Variants in DACT2 observed in about 807,000 individuals in gnomAD.
The protein encoded by DACT2 is dapper homolog 2.
DACT2 carries 20 observed loss-of-function variants against 22.2 expected under a neutral mutation model. The observed-to-expected ratio is 0.90, with a 90% CI of 0.63 to 1.31. The LOEUF (loss-of-function observed/expected upper bound fraction) is 1.31. Ranked by LOEUF, DACT2 falls within the 50% of genes most tolerant of loss-of-function variation. The pLI is 0.00. For synonymous variants in DACT2, 463 were observed against 479.8 expected (o/e 0.96, Z 0.46); for missense variants, 1,048 against 1,061.4 (o/e 0.99, Z 0.18).
At chr6:168,313,748 A>T (rs953329374) in intron 1 of DACT2, among the ~76,000 whole-genome samples, 2 of 152,140 alleles carry the variant, frequency 1.3e-5, no homozygotes, top group Non-Finnish European at 2.9e-5. Context: ...CTTCTTCTGA[A>T]GGAGGGAAGC....
At position 168,308,913 on chromosome 6, in the gene DACT2, C is replaced by T. The variant is rs778812998; in HGVS notation, c.844G>A (p.Val282Met). Residue 282 changes from valine to methionine, a missense_variant, in exon 4 of 4, where the codon GTG (valine) becomes ATG (methionine). Coordinates refer to ENST00000366795, the MANE Select transcript of DACT2 (RefSeq NM_214462.5). The stretch of plus-strand genomic sequence containing the variant: ...ACAAACAGGGGGCTCTGTAGAGCCA[C>T]GGCGTGCAGGGGGCTGGGGTACGGG... ...VYPYPSPLHA[V>M]ALQSPLFVLT... 1.7e-5 allele frequency: 26 copies of T among 1,550,558 alleles called. No homozygotes were observed. Among genetic ancestry groups the T allele is most frequent in the East Asian group, 7.3e-5 (3 of 40,914 alleles).
At chr6:168,293,067 A>G (rs1172600526) in exon 6 of DACT2, 1 of 152,202 alleles carries the variant, frequency 6.6e-6, no homozygotes, top group African/African-American at 2.4e-5. Flanking sequence ...CTTTGTAAAA[A>G]AAATTCGTCT....
Position 168,310,309 on chromosome 6 carries a change from C to G in DACT2, c.517G>C (p.Asp173His), listed in dbSNP as rs1258704503. 1 of 1,551,526 alleles carries G rather than the reference C, an allele frequency of 6.4e-7. No homozygotes were observed. Among genetic ancestry groups the G allele is most frequent in the African/African-American group, 1.4e-5 (1 of 73,072 alleles). Residue 173 changes from aspartate (D) to histidine (H), a missense_variant, in exon 3 of 4, where the codon GAC (aspartate) becomes CAC (histidine). Physicochemically the swap from Asp to His is moderately conservative, Grantham distance 81. Transcript: ENST00000366795. ...TCATCAACCGACCGGGGCCTCCAGT[C>G]CCCCATGCTGGGCCTGGCCTTGTGG... ...QAHKARPSMG[D>H]WRPRSVDETT...
At chr6:168,303,829 G>T (rs774696627), downstream of DACT2, among the ~76,000 whole-genome samples, 12 of 151,902 alleles carry the variant, frequency 7.9e-5, no homozygotes, top group Admixed American at 3.9e-4. Flanking sequence ...AAGTAGGTTG[G>T]GACATTTTCC....
At position 168,307,233 on chromosome 6, in the gene DACT2, G is replaced by A. The variant is rs542687859; in HGVS notation, c.*199C>T. The A allele has an allele frequency of 5.9e-5, 84 of 1,414,790 alleles. No individual in the cohort carries two copies. In the South Asian group the frequency reaches 1.1e-3, roughly 19 times the overall value. 87.6% of individuals were successfully genotyped at this position (1,414,790 alleles called of 1,614,324 possible). A position where few individuals can be genotyped will look rare whatever the true frequency, so the allele number is the denominator to read the frequency against. On this transcript the variant is annotated 3_prime_UTR_variant, in exon 4 of 4. Coordinates refer to ENST00000366795, the MANE Select transcript of DACT2 (RefSeq NM_214462.5). This position sits in a 1 kb window ranked among gnomAD's most constrained non-coding sequence, Gnocchi z 5.3. ...TGCTGGCATCTGAAACCAGAGCTCC[G>A]CATGGAAGTCTTTGCTGGGGCGGGG...
intron 1 of DACT2, among the ~76,000 whole-genome samples, chr6:168,318,681 G>A (rs888130364): frequency 2.6e-5 from 4 of 152,160 alleles, no homozygotes; most frequent in African/African-American, 9.7e-5. Context: ...AATGAGTGGA[G>A]TTCCTTTCAT....
At chr6:168,294,547 ATGTGTGTGTGTGTATGTG>A (rs1301152068) in intron 4 of DACT2, 9 of 752,446 alleles carry the variant, frequency 1.2e-5, no homozygotes, top group East Asian at 9.6e-5. Context: ...ATAATAAAAT[ATGTGTGTGTGTGTATGTG>A]TGTGTGTGTG....
rs1336677435 is a variant in DACT2, at chr6:168,308,629, T to C, written c.1128A>G (p.Gly376=). The C allele has an allele frequency of 4.5e-6, 7 of 1,544,088 alleles. 1 individual carries two copies. Among genetic ancestry groups the C allele is most frequent in the African/African-American group, 4.1e-5 (3 of 73,012 alleles). The change falls in exon 4 of 4, where the codon GGA becomes GGG. Residue 376 remains glycine (G), a synonymous_variant. Coordinates refer to ENST00000366795, the MANE Select transcript of DACT2 (RefSeq NM_214462.5). ...CTGGGGCGAAGACCAGCAGTCGCCCTCCACCGTCTGTACTCCAGCCACCCT... is the reference window on the plus strand; with the variant it reads ...CTGGGGCGAAGACCAGCAGTCGCCCCCCACCGTCTGTACTCCAGCCACCCT... The part of the protein sequence containing the change: ...QRQGGWSTDG[G]GRLLVFAPGR...
downstream of DACT2, chr6:168,306,828 C>T (rs565628981): frequency 2.8e-5 from 27 of 950,160 alleles, no homozygotes; most frequent in Admixed American, 6.1e-5. Context: ...AAAGCTGGCA[C>T]GTGCCCTGTG....
chr6:168,311,319 A>G (rs1160201136), intron 1 of DACT2, 35 bp from the exon 2 acceptor site: 1 of 1,514,062 alleles, frequency 6.6e-7, no homozygotes, highest in Non-Finnish European at 8.9e-7. Context: ...GAACTGTTGT[A>G]CCTATGGAAA....
At chr6:168,313,077 C>A (rs1007120526) in intron 1 of DACT2, among the ~76,000 whole-genome samples, 7 of 152,262 alleles carry the variant, frequency 4.6e-5, no homozygotes, top group Middle Eastern at 3.4e-3. Context: ...GACGGAGTCT[C>A]GCTCTGTCCT....
chr6:168,294,055 T>C, intron 5 of DACT2: 1 of 702,856 alleles, frequency 1.4e-6, no homozygotes, highest in Non-Finnish European at 2.6e-6. Flanking sequence ...GCACCCACGA[T>C]GCCCATGAGC....
rs1201075970 is a variant in DACT2, at chr6:168,310,447, C to A, written c.380-1G>T. On this transcript the variant is annotated splice_acceptor_variant, in intron 2 of 3. Transcript: ENST00000366795. LOFTEE classifies it high-confidence loss of function. ...CCACCGTCGCTCATCTCGTAAAAGC[C>A]TGGACGGAGCAGACAAGGCAGGTCA... 6.5e-7 allele frequency: 1 copy of A among 1,548,116 alleles called. No homozygotes were observed. Among genetic ancestry groups the A allele is most frequent in the Admixed American group, 2.0e-5 (1 of 49,810 alleles).
At chr6:168,306,056 G>A (rs1016686798), downstream of DACT2, among the ~76,000 whole-genome samples, 7 of 152,128 alleles carry the variant, frequency 4.6e-5, no homozygotes, top group Admixed American at 1.3e-4. Context: ...CCTCACCTAC[G>A]CTTTGTTCCA....
Position 168,308,469 on chromosome 6 carries a change from T to C in DACT2, c.1288A>G (p.Ser430Gly), listed in dbSNP as rs1779291227. The change falls in exon 4 of 4, where the codon AGC (serine) becomes GGC (glycine). Residue 430 changes from serine to glycine, a missense_variant. Ser to Gly is a moderately conservative substitution (Grantham distance 56). Coordinates refer to ENST00000366795, the MANE Select transcript of DACT2 (RefSeq NM_214462.5). Reference sequence around the variant, plus strand: ...ACCATGGTCTCCCTGAGGACACAGCTGTTTGAGGGCTTGGAGCCCTCCTCT... The same window carrying C: ...ACCATGGTCTCCCTGAGGACACAGCCGTTTGAGGGCTTGGAGCCCTCCTCT... ...LPEEGSKPSN[S>G]CVLRETMVQA... 6.4e-7 allele frequency: 1 copy of C among 1,551,602 alleles called. No homozygotes were observed.
intron 1 of DACT2, among the ~76,000 whole-genome samples, chr6:168,311,644 A>T (rs975799506): frequency 2.6e-4 from 39 of 148,358 alleles, no homozygotes; most frequent in Non-Finnish European, 5.0e-4. Flanking sequence ...ACACACACAC[A>T]CTCACACACA....
chr6:168,293,932 A>C, exon 6 of DACT2: 2 of 703,404 alleles, frequency 2.8e-6, no homozygotes, highest in Admixed American at 4.0e-5. Flanking sequence ...TTTGTCTTTG[A>C]ACTTGTGTTC....
chr6:168,313,737 CCTT>C (rs1779479465), intron 1 of DACT2, among the ~76,000 whole-genome samples: 1 of 152,190 alleles, frequency 6.6e-6, no homozygotes, highest in African/African-American at 2.4e-5. Flanking sequence ...ATCACACTCT[CCTT>C]CTTCTGAAGG....
intron 1 of DACT2, among the ~76,000 whole-genome samples, 152 bp downstream of exon 1, chr6:168,319,236 T>C (rs1440695092): frequency 1.3e-5 from 2 of 152,024 alleles, no homozygotes; most frequent in African/African-American, 4.8e-5. Flanking sequence ...GTCCCCCTCC[T>C]TGGAGACCGA....
Sources: gnomAD v4.1 joint callset for allele counts (sites outside exome capture counted in the v4.1 genomes callset) on GRCh38, gnomAD v4.1.1 for gene constraint, Gnocchi (gnomAD v3.1) non-coding constraint, MANE v1.5 for transcripts, NCBI Gene and HGNC (gene_info 2026-07-23, HGNC 2026-07-21) for gene names.